The following CREB5 variants were observed in gnomAD, a reference collection of about 807,000 sequenced individuals.
CREB5 encodes cAMP responsive element binding protein 5.
In CREB5, 19 loss-of-function variants were observed where a neutral mutation model predicts 57.1. The ratio of observed to expected loss-of-function variants is 0.33; its 90% CI spans 0.23 to 0.49. The LOEUF (loss-of-function observed/expected upper bound fraction) is 0.49, where lower values mean the gene tolerates loss of function less well. Among genes scored for constraint, CREB5 ranks in the 20% least tolerant of loss-of-function variants. The probability of loss-of-function intolerance (pLI) is 0.99; values close to 1 mark genes in which losing one functional copy is unlikely to be tolerated. For missense variants in CREB5, 579 were observed against 671.6 expected (o/e 0.86, Z 1.52); for synonymous variants, 238 against 238.3 (o/e 1.00, Z 0.01).
At chr7:28,607,517 GGT>G (rs1797185602) in intron 5 of CREB5, among the ~76,000 whole-genome samples, 1 of 152,140 alleles carries the variant, frequency 6.6e-6, no homozygotes, top group South Asian at 2.1e-4. Context: ...ATAGGAGAAA[GGT>G]GTGTGTTTCA....
rs117707260 is a variant in CREB5, at chr7:28,432,164, G to A, written c.3+19247G>A. 2.4e-3 allele frequency among the ~76,000 whole-genome samples: 369 copies of A among 152,222 alleles called. 11 individuals are homozygous for A. The East Asian group carries it at 0.062, about 26-fold the overall frequency. ...TATAATTATGCAATGTGTTTTATAC[G>A]GAGTTGGAGCGTTGTGTGTTTTGCC... On this transcript the variant is annotated intron_variant, in intron 1 of 10. Transcript: ENST00000357727.
chr7:28,725,950 CCTT>C (rs368527999), intron 7 of CREB5, among the ~76,000 whole-genome samples: 24 of 152,238 alleles, frequency 1.6e-4, no homozygotes, highest in East Asian at 1.5e-3. Flanking sequence ...TCAAAAGTGT[CCTT>C]CTTCTCTTCT....
At chr7:28,616,905 C>T (rs1797615675) in intron 5 of CREB5, among the ~76,000 whole-genome samples, 1 of 152,148 alleles carries the variant, frequency 6.6e-6, no homozygotes, top group African/African-American at 2.4e-5. Context: ...TTTCTCCATT[C>T]TTTAAACAAG....
intron 1 of CREB5, among the ~76,000 whole-genome samples, chr7:28,425,302 G>T (rs1353473661): frequency 4.0e-5 from 6 of 151,826 alleles, no homozygotes; most frequent in African/African-American, 1.2e-4. Context: ...TAACATGAAT[G>T]AACCTTGAAA....
chr7:28,563,966 A>T (rs575660760), intron 4 of CREB5, among the ~76,000 whole-genome samples: 1 of 152,176 alleles, frequency 6.6e-6, no homozygotes, highest in Admixed American at 6.5e-5. Flanking sequence ...GCAAGATCCA[A>T]AAAATACCTG....
chr7:28,796,423 A>T (rs1433522090), intron 7 of CREB5, among the ~76,000 whole-genome samples: 1 of 152,160 alleles, frequency 6.6e-6, no homozygotes, highest in East Asian at 1.9e-4. Context: ...TCAAAAGCTG[A>T]TATTAACTTC....
Position 28,567,716 on chromosome 7 carries a change from G to A in CREB5, c.292-2649G>A, listed in dbSNP as rs796744914. ...GTGGAGGCAGGGCAAGGGCATTGGC[G>A]TTAGAAAGCAGCATACAAGGCCCGA... On this transcript the variant is annotated intron_variant, in intron 4 of 10. Coordinates refer to ENST00000357727, the MANE Select transcript of CREB5 (RefSeq NM_182898.4). 6.6e-5 allele frequency among the ~76,000 whole-genome samples: 10 copies of A among 152,310 alleles called. 1 individual carries two copies. Among genetic ancestry groups the A allele is most frequent in the Admixed American group, 2.0e-4 (3 of 15,306 alleles).
intron 4 of CREB5, among the ~76,000 whole-genome samples, chr7:28,568,815 C>T (rs1795582730): frequency 6.6e-6 from 1 of 152,168 alleles, no homozygotes; most frequent in African/African-American, 2.4e-5. Flanking sequence ...TGGACACAGC[C>T]ACCCCAAATA....
At chr7:28,308,046 C>T (rs1785218633) in intron 1 of CREB5, among the ~76,000 whole-genome samples, 1 of 152,270 alleles carries the variant, frequency 6.6e-6, no homozygotes, top group Admixed American at 6.5e-5. Flanking sequence ...AACCTGGCAT[C>T]CCTGGTGCCT....
chr7:28,441,707 C>T lies in CREB5; in HGVS notation c.3+28790C>T, dbSNP rs575118253. The stretch of plus-strand genomic sequence containing the variant: ...CATAGCACCAGGTGAACTGGAGCTA[C>T]TTTTAATCTCCACATTTTGGAAGAT... On this transcript the variant is annotated intron_variant, in intron 1 of 10. Transcript: ENST00000357727. Among the ~76,000 whole-genome samples the T allele has an allele frequency of 1.9e-4, 29 of 152,280 alleles. No individual in the cohort carries two copies. In the South Asian group the frequency reaches 5.4e-3, roughly 28 times the overall value.
chr7:28,523,271 G>A (rs919841416), intron 4 of CREB5, among the ~76,000 whole-genome samples: 1 of 152,082 alleles, frequency 6.6e-6, no homozygotes, highest in Non-Finnish European at 1.5e-5. Flanking sequence ...GTATTAATTT[G>A]TTTAAATGTT....
At chr7:28,544,811 G>A (rs1053252607) in intron 4 of CREB5, among the ~76,000 whole-genome samples, 1 of 152,186 alleles carries the variant, frequency 6.6e-6, no homozygotes, top group South Asian at 2.1e-4. Flanking sequence ...GGAGAGGTGG[G>A]AGGTGTCAGG....
chr7:28,462,071 A>T (rs1211434500), intron 1 of CREB5, among the ~76,000 whole-genome samples: 1 of 152,016 alleles, frequency 6.6e-6, no homozygotes, highest in East Asian at 1.9e-4. Context: ...GTCACTCCCC[A>T]TTATTTTCCC....
At chr7:28,791,226 T>C (rs957317699) in intron 7 of CREB5, among the ~76,000 whole-genome samples, 1 of 152,270 alleles carries the variant, frequency 6.6e-6, no homozygotes, top group Non-Finnish European at 1.5e-5. Context: ...TTCACTTCTC[T>C]TTTGGAATGA....
At chr7:28,752,005 A>G (rs1400428795) in intron 7 of CREB5, among the ~76,000 whole-genome samples, 2 of 152,162 alleles carry the variant, frequency 1.3e-5, no homozygotes, top group Non-Finnish European at 2.9e-5. Context: ...GAAGTTATGC[A>G]TATTTTGGAA....
chr7:28,340,133 T>C (rs1027249068), intron 1 of CREB5, among the ~76,000 whole-genome samples: 5 of 152,142 alleles, frequency 3.3e-5, no homozygotes, highest in Non-Finnish European at 7.3e-5. Flanking sequence ...CCTACCCCAC[T>C]GTGGCCAAAC....
chr7:28,435,689 G>A (rs201934999), intron 1 of CREB5: 1 of 984,400 alleles, frequency 1.0e-6, no homozygotes, highest in Non-Finnish European at 1.2e-6. Flanking sequence ...TATTTTCAGG[G>A]TAAGTGGTGG....
chr7:28,747,292 C>T (rs985076301), intron 7 of CREB5, among the ~76,000 whole-genome samples: 1 of 152,164 alleles, frequency 6.6e-6, no homozygotes, highest in African/African-American at 2.4e-5. Context: ...CTTTGTAAGT[C>T]TGTATTTAAA....
At chr7:28,681,565 C>T (rs551849430) in intron 5 of CREB5, among the ~76,000 whole-genome samples, 16 of 152,192 alleles carry the variant, frequency 1.1e-4, no homozygotes, top group African/African-American at 3.6e-4. Flanking sequence ...TATGTATGGG[C>T]CAGGTGCTAG....
Sources: gnomAD v4.1 joint callset for allele counts (sites outside exome capture counted in the v4.1 genomes callset) on GRCh38, gnomAD v4.1.1 for gene constraint, MANE v1.5 for transcripts, NCBI Gene and HGNC (gene_info 2026-07-23, HGNC 2026-07-21) for gene names.